THSD7B: variants seen among roughly 807,000 people sequenced by gnomAD.
THSD7B encodes thrombospondin type 1 domain containing 7B, also known as thrombospondin type-1 domain-containing protein 7B.
A neutral mutation model predicts 213.6 loss-of-function variants in THSD7B; 138 were observed. The observed-to-expected ratio is 0.65, with a 90% CI of 0.56 to 0.74. The LOEUF (loss-of-function observed/expected upper bound fraction) is 0.74. THSD7B is among the 30% of genes least tolerant of loss of function. THSD7B has a pLI of 0.00. For missense variants in THSD7B, 1,931 were observed against 1,991.5 expected (o/e 0.97, Z 0.58); for synonymous variants, 742 against 687.0 (o/e 1.08, Z -1.25).
chr2:137,288,448 C>T (rs558916469), intron 12 of THSD7B, among the ~76,000 whole-genome samples: 1 of 152,168 alleles, frequency 6.6e-6, no homozygotes, highest in East Asian at 1.9e-4. Flanking sequence ...GAAGTAGGAA[C>T]TGAAAATGGG....
intron 15 of THSD7B, among the ~76,000 whole-genome samples, chr2:137,556,378 G>T (rs1166342255): frequency 6.6e-6 from 1 of 152,030 alleles, no homozygotes; most frequent in Non-Finnish European, 1.5e-5. Context: ...AGAGAGTGGG[G>T]GCCAATATTC....
In THSD7B at chr2:137,485,855, A is replaced by G. The variant is rs552664265; in HGVS notation, c.3138+34832A>G. On this transcript the variant is annotated intron_variant, in intron 15 of 27. Transcript: ENST00000409968. ...GGGCCAATATTCAACATTCTTAAAG[A>G]AAAGAATTTTCAACCCAGAATTTCA... 3.3e-5 allele frequency among the ~76,000 whole-genome samples: 5 copies of G among 152,256 alleles called. No homozygotes were observed. In the South Asian group the frequency reaches 8.3e-4, roughly 25 times the overall value.
At chr2:136,793,056 C>G (rs1170033763) in intron 1 of THSD7B, among the ~76,000 whole-genome samples, 1 of 151,926 alleles carries the variant, frequency 6.6e-6, no homozygotes, top group Non-Finnish European at 1.5e-5. Context: ...TTTGGCTACA[C>G]GTCTTTCTGT....
At chr2:136,923,835 T>C (rs1386034112) in intron 2 of THSD7B, among the ~76,000 whole-genome samples, 1 of 152,174 alleles carries the variant, frequency 6.6e-6, no homozygotes, top group African/African-American at 2.4e-5. Context: ...AGAAGTTCCT[T>C]ATATGTTCTG....
At position 137,310,339 on chromosome 2, in the gene THSD7B, T is replaced by G. The variant is rs562120667; in HGVS notation, c.2500+34313T>G. Among the ~76,000 whole-genome samples the G allele has an allele frequency of 7.2e-3, 1,058 of 146,124 alleles. 11 individuals carry two copies. Among genetic ancestry groups the G allele is most frequent in the African/African-American group, 0.025 (988 of 39,542 alleles). On this transcript the variant is annotated intron_variant, in intron 12 of 27. Coordinates refer to ENST00000409968, the MANE Select transcript of THSD7B (RefSeq NM_001316349.2). ...GTCTGTTCATGTCCTTTGCCCACTT[T>G]TTGATGGGGTTGTTTGTTTTTTTCT...
At chr2:137,282,316 A>T (rs1683043193) in intron 12 of THSD7B, among the ~76,000 whole-genome samples, 1 of 152,108 alleles carries the variant, frequency 6.6e-6, no homozygotes, top group African/African-American at 2.4e-5. Flanking sequence ...CCTTTGTCAG[A>T]TGAGTAGGTT....
chr2:136,851,100 T>C (rs1174658302), intron 1 of THSD7B, among the ~76,000 whole-genome samples: 2 of 152,248 alleles, frequency 1.3e-5, no homozygotes, highest in African/African-American at 4.8e-5. Flanking sequence ...TATATTGGTG[T>C]GTTCTTCAGT....
intron 1 of THSD7B, among the ~76,000 whole-genome samples, chr2:136,767,408 T>C (rs180736901): frequency 4.6e-5 from 7 of 151,498 alleles, no homozygotes; most frequent in Admixed American, 2.6e-4. Context: ...GGGTAGTTGA[T>C]CTAATCTGGT....
At chr2:136,997,920 G>T (rs1287034875) in intron 2 of THSD7B, among the ~76,000 whole-genome samples, 2 of 152,024 alleles carry the variant, frequency 1.3e-5, no homozygotes, top group Admixed American at 6.6e-5. Flanking sequence ...GACACAAAGG[G>T]TTCCTCATGC....
chr2:137,170,904 T>C lies in THSD7B; in HGVS notation c.1689T>C (p.His563=). 2 of 1,613,110 alleles carry C rather than the reference T, an allele frequency of 1.2e-6. No homozygotes were observed. Among genetic ancestry groups the C allele is most frequent in the Non-Finnish European group, 1.7e-6 (2 of 1,179,724 alleles). ...ATCATGGAAAATGTGGCCTGGGACA[T>C]CGTATTCTGAAGGCCGTCTGCCAGA... ...FPDHGKCGLG[H]RILKAVCQND... is the part of the protein sequence containing the mutation. Residue 563 remains histidine (H), a synonymous_variant, in exon 7 of 28, where the codon CAT becomes CAC. Transcript: ENST00000409968.
At chr2:137,352,896 T>G (rs1196251652) in intron 12 of THSD7B, among the ~76,000 whole-genome samples, 4 of 151,932 alleles carry the variant, frequency 2.6e-5, no homozygotes, top group Non-Finnish European at 5.9e-5. Flanking sequence ...GAGCCATACA[T>G]ATATTATATA....
intron 2 of THSD7B, among the ~76,000 whole-genome samples, chr2:136,956,812 TG>T (rs912790098): frequency 3.8e-4 from 58 of 152,034 alleles, no homozygotes; most frequent in African/African-American, 1.3e-3. Flanking sequence ...CCTGAGTAGC[TG>T]GGATTATAGG....
intron 15 of THSD7B, among the ~76,000 whole-genome samples, chr2:137,542,705 T>C (rs1174676926): frequency 6.6e-6 from 1 of 151,656 alleles, no homozygotes; most frequent in African/African-American, 2.4e-5. Context: ...AGGGAAACAA[T>C]AGCCAAAACA....
At chr2:137,617,042 A>G (rs200871254) in intron 18 of THSD7B, among the ~76,000 whole-genome samples, 1 of 151,838 alleles carries the variant, frequency 6.6e-6, no homozygotes, top group Admixed American at 6.6e-5. Flanking sequence ...AAAAAAAAAA[A>G]TCCTCACCAC....
In THSD7B at chr2:137,622,368, AC is replaced by A. The variant is rs1422699125; in HGVS notation, c.3799+1643del. Among the ~76,000 whole-genome samples the A allele has an allele frequency of 2.0e-5, 3 of 152,172 alleles. No individual in the cohort carries two copies. The East Asian group carries it at 5.8e-4, about 29-fold the overall frequency. On this transcript the variant is annotated intron_variant, in intron 20 of 27. Transcript: ENST00000409968. ...GCCTGCAAAAACAAAACAAAACAAA[AC>A]AAAAAACAAGTTATTTGCTTCCAAG...
chr2:137,022,798 G>T (rs1686470271), intron 2 of THSD7B, among the ~76,000 whole-genome samples: 1 of 152,104 alleles, frequency 6.6e-6, no homozygotes, highest in African/African-American at 2.4e-5. Flanking sequence ...AACATTCTGT[G>T]GAAGGCCAGC....
chr2:137,402,478 G>A (rs1318150574), intron 12 of THSD7B, among the ~76,000 whole-genome samples: 1 of 151,978 alleles, frequency 6.6e-6, no homozygotes, highest in Non-Finnish European at 1.5e-5. Flanking sequence ...CAAAAGAAAT[G>A]TGAATAAAAT....
chr2:136,875,440 G>T (rs1401401978), intron 1 of THSD7B, among the ~76,000 whole-genome samples: 1 of 152,080 alleles, frequency 6.6e-6, no homozygotes, highest in Non-Finnish European at 1.5e-5. Flanking sequence ...AAGAAAGAAA[G>T]AAATCCATTC....
chr2:137,395,357 G>C lies in THSD7B; in HGVS notation c.2501-10256G>C, dbSNP rs1450497900. 2.7e-3 allele frequency among the ~76,000 whole-genome samples: 405 copies of C among 150,508 alleles called. 2 individuals are homozygous for C. Among genetic ancestry groups the C allele is most frequent in the African/African-American group, 9.1e-3 (373 of 40,776 alleles). On this transcript the variant is annotated intron_variant, in intron 12 of 27. Transcript: ENST00000409968. The stretch of plus-strand genomic sequence containing the variant: ...GTCCCATCATTACCTAATTTATTGA[G>C]AGTTTTTAGCATGAAGGGTTGTTGA...
Sources: gnomAD v4.1 joint callset for allele counts (sites outside exome capture counted in the v4.1 genomes callset) on GRCh38, gnomAD v4.1.1 for gene constraint, MANE v1.5 for transcripts, NCBI Gene and HGNC (gene_info 2026-07-23, HGNC 2026-07-21) for gene names.